Variants in AFG1L observed in about 807,000 individuals in gnomAD.
AFG1L encodes AFG1 like ATPase.
In AFG1L, 53 loss-of-function variants were observed where a neutral mutation model predicts 62.2. That is an observed-to-expected ratio of 0.85 (90% CI 0.68 to 1.07). The LOEUF (loss-of-function observed/expected upper bound fraction) is 1.07. Ranked by LOEUF, AFG1L falls within the 50% of genes least tolerant of loss-of-function variation. The probability of loss-of-function intolerance (pLI) is 0.00; values close to 1 mark genes in which losing one functional copy is unlikely to be tolerated. For synonymous variants in AFG1L, 228 were observed against 210.3 expected (o/e 1.08, Z -0.73); for missense variants, 555 against 590.5 (o/e 0.94, Z 0.62).
At chr6:108,324,937 C>T (rs928154003) in intron 2 of AFG1L, among the ~76,000 whole-genome samples, 16 of 152,152 alleles carry the variant, frequency 1.1e-4, no homozygotes, top group Admixed American at 9.2e-4. Flanking sequence ...AAGTGATCCA[C>T]CTGTCTCGGC....
Position 108,510,368 on chromosome 6 carries a change from A to C in AFG1L, c.1203+16A>C. 6.3e-7 allele frequency: 1 copy of C among 1,587,888 alleles called. No individual in the cohort carries two copies. The highest frequency in any genetic ancestry group is 8.6e-7 in the Non-Finnish European group (1 of 1,169,242). On this transcript the variant is annotated intron_variant, in intron 11 of 12. Coordinates refer to ENST00000368977, the MANE Select transcript of AFG1L (RefSeq NM_145315.5). ...TGATCTCAAGGTAAGGATGTAGTACATTTTCTTAAAACTAAACACTTTGTA... is the reference window on the plus strand; with the variant it reads ...TGATCTCAAGGTAAGGATGTAGTACCTTTTCTTAAAACTAAACACTTTGTA...
chr6:108,496,729 T>TC (rs1222298619), intron 10 of AFG1L, among the ~76,000 whole-genome samples: 1 of 150,268 alleles, frequency 6.7e-6, no homozygotes, highest in African/African-American at 2.4e-5. Context: ...TACTGACAAA[T>TC]CTAAAAAAAA....
At chr6:108,349,221 T>C (rs1386429115) in intron 3 of AFG1L, among the ~76,000 whole-genome samples, 1 of 152,180 alleles carries the variant, frequency 6.6e-6, no homozygotes, top group Non-Finnish European at 1.5e-5. Flanking sequence ...TGGTGGCTCA[T>C]ACCTGTAATC....
chr6:108,477,249 G>A lies in AFG1L; in HGVS notation c.1019G>A (p.Cys340Tyr), dbSNP rs1196539731. 1 of 1,610,218 alleles carries A rather than the reference G, an allele frequency of 6.2e-7. No individual in the cohort carries two copies. The highest frequency in any genetic ancestry group is 8.5e-7 in the Non-Finnish European group (1 of 1,177,316). Reference protein sequence around the residue: ...QGRELRLNKACGTVADCTFEE... With the variant: ...QGRELRLNKAYGTVADCTFEE... ...AGAGAGCTGCGCCTGAATAAAGCCT[G>A]TGGAACCGTTGCCGACTGCACATTT... Residue 340 changes from cysteine to tyrosine, a missense_variant, in exon 10 of 13, where the codon TGT (cysteine) becomes TAT (tyrosine). By Grantham distance (194) the Cys-to-Tyr change is radical. Transcript: ENST00000368977.
chr6:108,505,029 T>C (rs896882504), intron 10 of AFG1L, among the ~76,000 whole-genome samples: 2 of 151,842 alleles, frequency 1.3e-5, no homozygotes, highest in Non-Finnish European at 2.9e-5. Context: ...TCATGGACTT[T>C]AGCCAGATTT....
intron 10 of AFG1L, among the ~76,000 whole-genome samples, chr6:108,506,296 C>T (rs754899359): frequency 2.0e-5 from 3 of 152,202 alleles, no homozygotes; most frequent in Admixed American, 6.5e-5. Flanking sequence ...CAAACTCAGA[C>T]TCCCAGGCTC....
At chr6:108,502,631 T>C (rs1178154177) in intron 10 of AFG1L, among the ~76,000 whole-genome samples, 2 of 152,092 alleles carry the variant, frequency 1.3e-5, no homozygotes, top group African/African-American at 4.8e-5. Context: ...TGAACCACCA[T>C]ACCCAACCTC....
At chr6:108,304,342 C>A (rs1777123813) in intron 1 of AFG1L, among the ~76,000 whole-genome samples, 1 of 152,126 alleles carries the variant, frequency 6.6e-6, no homozygotes, top group Non-Finnish European at 1.5e-5. Context: ...TCATTGATGA[C>A]CATTGCAGTT....
chr6:108,507,774 T>C (rs1774475859), intron 10 of AFG1L, among the ~76,000 whole-genome samples: 1 of 152,232 alleles, frequency 6.6e-6, no homozygotes, highest in Non-Finnish European at 1.5e-5. Flanking sequence ...TCTTAATGTA[T>C]GAGTTTTCCT....
chr6:108,309,579 G>C (rs1477147606), intron 1 of AFG1L, among the ~76,000 whole-genome samples: 2 of 152,070 alleles, frequency 1.3e-5, no homozygotes, highest in Non-Finnish European at 2.9e-5. Flanking sequence ...ATTTAAAAAG[G>C]ATACTTGATT....
intron 7 of AFG1L, among the ~76,000 whole-genome samples, chr6:108,434,097 G>T (rs1456180747): frequency 2.0e-5 from 3 of 152,154 alleles, no homozygotes; most frequent in Non-Finnish European, 4.4e-5. Context: ...TATTGAACAG[G>T]TTATAGGAGG....
At chr6:108,514,416 G>C (rs981753340) in intron 11 of AFG1L, among the ~76,000 whole-genome samples, 6 of 152,104 alleles carry the variant, frequency 3.9e-5, no homozygotes, top group Non-Finnish European at 8.8e-5. Context: ...AAGTGAAGGA[G>C]AAATAAAATC....
At chr6:108,422,654 T>C (rs1265691836) in intron 7 of AFG1L, among the ~76,000 whole-genome samples, 2 of 151,916 alleles carry the variant, frequency 1.3e-5, no homozygotes, top group East Asian at 3.8e-4. Flanking sequence ...CTTTATTAGC[T>C]ACTTTGAAAC....
chr6:108,495,143 G>A (rs981340631), intron 10 of AFG1L, among the ~76,000 whole-genome samples: 10 of 151,966 alleles, frequency 6.6e-5, no homozygotes, highest in Non-Finnish European at 7.4e-5. Context: ...ACATCAATTC[G>A]TGTGATATTT....
chr6:108,419,415 CCAA>C lies in AFG1L; in HGVS notation c.807+17365_807+17367del, dbSNP rs535483542. On this transcript the variant is annotated intron_variant, in intron 7 of 12. Coordinates refer to ENST00000368977, the MANE Select transcript of AFG1L (RefSeq NM_145315.5). ...TGATAACTAAACTGGTGAAAAATAA[CCAA>C]CAAGGCATTCTACAATAGAATTTTC... Among the ~76,000 whole-genome samples, 640 of 152,142 alleles carry C rather than the reference CCAA, an allele frequency of 4.2e-3. 5 individuals are homozygous for C. The highest frequency in any genetic ancestry group is 0.014 in the African/African-American group (565 of 41,530).
Position 108,366,082 on chromosome 6 carries a change from A to T in AFG1L, c.649-151A>T, listed in dbSNP as rs1779744732. 5 of 546,596 alleles carry T rather than the reference A, an allele frequency of 9.1e-6. No individual in the cohort carries two copies. In the South Asian group the frequency reaches 1.2e-4, roughly 13 times the overall value. 33.9% of individuals were successfully genotyped at this position (546,596 alleles called of 1,614,324 possible). ...TTAAAAGACTGCTATACAGTGTTTCATGCTTTTAATTATCTACTCTTTTCT... is the reference window on the plus strand; with the variant it reads ...TTAAAAGACTGCTATACAGTGTTTCTTGCTTTTAATTATCTACTCTTTTCT... On this transcript the variant is annotated intron_variant, in intron 5 of 12. Transcript: ENST00000368977.
At chr6:108,455,213 A>G (rs1402816237) in intron 8 of AFG1L, among the ~76,000 whole-genome samples, 2 of 152,208 alleles carry the variant, frequency 1.3e-5, no homozygotes, top group Non-Finnish European at 2.9e-5. Flanking sequence ...ATTTGCTTCA[A>G]AATAATCCAG....
At chr6:108,319,756 G>A (rs768708164) in intron 1 of AFG1L, 2 of 436,262 alleles carry the variant, frequency 4.6e-6, no homozygotes, top group Non-Finnish European at 9.2e-6. Context: ...CTACAGATGT[G>A]TGCCACTCCA....
chr6:108,331,582 C>A (rs188150983), intron 2 of AFG1L, among the ~76,000 whole-genome samples: 1 of 152,232 alleles, frequency 6.6e-6, no homozygotes, highest in Admixed American at 6.5e-5. Context: ...GAAGAATGAA[C>A]ATTTATAAAC....
Sources: gnomAD v4.1 joint callset for allele counts (sites outside exome capture counted in the v4.1 genomes callset) on GRCh38, gnomAD v4.1.1 for gene constraint, MANE v1.5 for transcripts, NCBI Gene and HGNC (gene_info 2026-07-23, HGNC 2026-07-21) for gene names.